Variants in RFTN1 observed in about 807,000 individuals in gnomAD.
RFTN1 encodes raftlin, lipid raft linker 1.
A neutral mutation model predicts 46.5 loss-of-function variants in RFTN1; 26 were observed. The observed-to-expected ratio is 0.56, with a 90% CI of 0.41 to 0.78. The LOEUF (loss-of-function observed/expected upper bound fraction) is 0.78, where lower values mean the gene tolerates loss of function less well. RFTN1 is among the 30% of genes least tolerant of loss of function. RFTN1 has a pLI of 0.00. For missense variants in RFTN1, 693 were observed against 718.7 expected, an observed-to-expected ratio of 0.96 and a Z score of 0.41; for synonymous variants, 261 against 284.2, an observed-to-expected ratio of 0.92 and a Z score of 0.82.
chr3:16,381,987 C>G lies in RFTN1; in HGVS notation c.442-3885G>C, dbSNP rs1250538456. Among the ~76,000 whole-genome samples, 2 of 152,292 alleles carry G rather than the reference C, an allele frequency of 1.3e-5. No homozygotes were observed. Among genetic ancestry groups the G allele is most frequent in the Non-Finnish European group, 2.9e-5 (2 of 68,026 alleles). On this transcript the variant is annotated intron_variant, in intron 4 of 9. Coordinates refer to ENST00000334133, the MANE Select transcript of RFTN1 (RefSeq NM_015150.2). This position sits in a 1 kb window ranked among gnomAD's most constrained non-coding sequence, Gnocchi z 4.2. Reference sequence around the variant, plus strand: ...TCGAATGCTCATCTTTTACCTTCAACTTCAGCACAAATTTTGTATCTTATA... The same window carrying G: ...TCGAATGCTCATCTTTTACCTTCAAGTTCAGCACAAATTTTGTATCTTATA...
Position 16,370,204 on chromosome 3 carries a change from G to C in RFTN1, c.902C>G (p.Pro301Arg). 1 of 1,614,252 alleles carries C rather than the reference G, an allele frequency of 6.2e-7. No individual in the cohort carries two copies. The highest frequency in any genetic ancestry group is 2.2e-5 in the East Asian group (1 of 44,890). Residue 301 changes from proline to arginine, a missense_variant, in exon 6 of 10, where the codon CCT becomes CGT. Physicochemically the swap from Pro to Arg is moderately radical, Grantham distance 103. Coordinates refer to ENST00000334133, the MANE Select transcript of RFTN1 (RefSeq NM_015150.2). The surrounding 1 kb of genome is among the most constrained non-coding windows in gnomAD (Gnocchi z 5.5). The stretch of plus-strand genomic sequence containing the variant: ...CTGGCCATTCTTGGAGACATGGAGA[G>C]GAATGGTGACAGGGTAGTATTGCCG... Reference protein sequence around the residue: ...KCRQYYPVTIPLHVSKNGQTV... With the variant: ...KCRQYYPVTIRLHVSKNGQTV...
At position 16,465,650 on chromosome 3, in the gene RFTN1, G is replaced by A. The variant is rs114042888; in HGVS notation, c.145+28075C>T. ...TTTAGCCCCCATGTCAATTACGGAT[G>A]CTAAAAATTTCAGAATTATAAGATC... On this transcript the variant is annotated intron_variant, in intron 2 of 9. Coordinates refer to ENST00000334133, the MANE Select transcript of RFTN1 (RefSeq NM_015150.2). The surrounding 1 kb of genome is among the most constrained non-coding windows in gnomAD (Gnocchi z 5.1). Among the ~76,000 whole-genome samples the A allele has an allele frequency of 3.1e-3, 471 of 152,256 alleles. 3 individuals are homozygous for A. The highest frequency in any genetic ancestry group is 0.011 in the African/African-American group (443 of 41,530).
intron 2 of RFTN1, among the ~76,000 whole-genome samples, chr3:16,463,790 T>C (rs1486114775): frequency 2.0e-5 from 3 of 152,250 alleles, no homozygotes; most frequent in Non-Finnish European, 4.4e-5. Flanking sequence ...AGATTTCTGA[T>C]GAAGTTATCT....
At chr3:16,502,085 C>A (rs963388511) in intron 1 of RFTN1, among the ~76,000 whole-genome samples, 1 of 152,120 alleles carries the variant, frequency 6.6e-6, no homozygotes, top group African/African-American at 2.4e-5. Context: ...CTTTGTTGAG[C>A]ATGCATTATT....
At chr3:16,505,564 G>C (rs111534112) in intron 1 of RFTN1, among the ~76,000 whole-genome samples, 1 of 152,232 alleles carries the variant, frequency 6.6e-6, no homozygotes, top group African/African-American at 2.4e-5. Flanking sequence ...TGGAAACCCA[G>C]AGAATAGTTG....
intron 4 of RFTN1, among the ~76,000 whole-genome samples, chr3:16,399,808 G>A (rs2074558363): frequency 1.3e-5 from 2 of 152,068 alleles, no homozygotes; most frequent in Non-Finnish European, 2.9e-5. Flanking sequence ...CCAACTGCAG[G>A]AGCCAAACCA....
chr3:16,394,574 G>A lies in RFTN1; in HGVS notation c.441+14801C>T, dbSNP rs1020852154. On this transcript the variant is annotated intron_variant, in intron 4 of 9. Transcript: ENST00000334133. ...GGAAGGGGAGTGGGGAATTGTGGGC[G>A]TGGCTACAGGAAGGGTTCAGGCTGT... is the stretch of plus-strand genomic sequence containing the variant. Among the ~76,000 whole-genome samples the A allele has an allele frequency of 5.9e-5, 9 of 152,162 alleles. No homozygotes were observed. The South Asian group carries it at 1.2e-3, about 21-fold the overall frequency.
At position 16,484,341 on chromosome 3, in the gene RFTN1, C is replaced by T. The variant is rs149812092; in HGVS notation, c.145+9384G>A. Reference sequence around the variant, plus strand: ...AACTGGACCTGTAGAAAACTTATTGCGCAATGTGCATGTCTTGAATAAGGA... The same window carrying T: ...AACTGGACCTGTAGAAAACTTATTGTGCAATGTGCATGTCTTGAATAAGGA... On this transcript the variant is annotated intron_variant, in intron 2 of 9. Coordinates refer to ENST00000334133, the MANE Select transcript of RFTN1 (RefSeq NM_015150.2). This position sits in a 1 kb window ranked among gnomAD's most constrained non-coding sequence, Gnocchi z 4.6. 1.8e-4 allele frequency among the ~76,000 whole-genome samples: 28 copies of T among 152,224 alleles called. No individual in the cohort carries two copies. The highest frequency in any genetic ancestry group is 5.8e-4 in the African/African-American group (24 of 41,518).
rs368222255 is a variant in RFTN1 at position 16,357,359 on chromosome 3, A to T, written c.1146+573T>A. Among the ~76,000 whole-genome samples, 7 of 152,206 alleles carry T rather than the reference A, an allele frequency of 4.6e-5. No individual in the cohort carries two copies. In the East Asian group the frequency reaches 5.8e-4, roughly 13 times the overall value. On this transcript the variant is annotated intron_variant, in intron 7 of 9. Transcript: ENST00000334133. ...TGGTTTGAGGAATTCCCCTTCCCACAGCAATTTGGTGGCCTCATGAGTCAA... is the reference window on the plus strand; with the variant it reads ...TGGTTTGAGGAATTCCCCTTCCCACTGCAATTTGGTGGCCTCATGAGTCAA...
In RFTN1 at chr3:16,376,162, G is replaced by A. The variant is rs2073760768; in HGVS notation, c.826+1556C>T. On this transcript the variant is annotated intron_variant, in intron 5 of 9. Coordinates refer to ENST00000334133, the MANE Select transcript of RFTN1 (RefSeq NM_015150.2). The surrounding 1 kb of genome is among the most constrained non-coding windows in gnomAD (Gnocchi z 4.7). ...ATTCCATGAGAGGTGGAGGTCGAGT[G>A]TCAGGACTACTGAGCCTGTACCCCA... Among the ~76,000 whole-genome samples, 1 of 152,154 alleles carries A rather than the reference G, an allele frequency of 6.6e-6. No homozygotes were observed. Among genetic ancestry groups the A allele is most frequent in the Non-Finnish European group, 1.5e-5 (1 of 68,018 alleles).
At position 16,316,998 on chromosome 3, in the gene RFTN1, CA is replaced by C; in HGVS notation, c.1566del (p.Gly523ValfsTer67). 2 of 1,614,040 alleles carry C rather than the reference CA, an allele frequency of 1.2e-6. No homozygotes were observed. The highest frequency in any genetic ancestry group is 1.7e-6 in the Non-Finnish European group (2 of 1,180,006). On this transcript the variant is annotated frameshift_variant, in exon 10 of 10. Transcript: ENST00000334133. LOFTEE classifies it low-confidence loss of function (END_TRUNC). This position sits in a 1 kb window ranked among gnomAD's most constrained non-coding sequence, Gnocchi z 4.5. ...ACACCCACCCCACACAGCAGGCCAC[CA>C]GGGGACAGCTGTTCTCCCTTGTCCT... ...VQEDKGEQLS[P>X]GGLLCGVGVE...
intron 7 of RFTN1, among the ~76,000 whole-genome samples, chr3:16,340,971 A>G (rs749201579): frequency 2.7e-4 from 41 of 152,252 alleles, no homozygotes; most frequent in Non-Finnish European, 6.0e-4. Flanking sequence ...AAGACAACAA[A>G]CAACCCAATT....
rs755645220 is a variant in RFTN1 at position 16,434,352 on chromosome 3, G to A, written c.146-315C>T. On this transcript the variant is annotated intron_variant, in intron 2 of 9. Transcript: ENST00000334133. ...CAGCCTGGGCAACATAGTAAAACTC[G>A]GTCTCTCTTAAACAAACAAACAAAC... is the stretch of plus-strand genomic sequence containing the variant. 3.9e-4 allele frequency among the ~76,000 whole-genome samples: 57 copies of A among 145,074 alleles called. 1 individual carries two copies. The highest frequency in any genetic ancestry group is 1.2e-3 in the South Asian group (5 of 4,336).
intron 3 of RFTN1, among the ~76,000 whole-genome samples, chr3:16,419,583 G>C (rs962673766): frequency 3.9e-5 from 6 of 152,116 alleles, no homozygotes; most frequent in Admixed American, 1.3e-4. Context: ...ATAGGGAAAA[G>C]GTTTCCCATA....
rs140195575 is a variant in RFTN1 at position 16,321,511 on chromosome 3, C to T, written c.1332+1865G>A. On this transcript the variant is annotated intron_variant, in intron 9 of 9. Transcript: ENST00000334133. The surrounding 1 kb of genome is among the most constrained non-coding windows in gnomAD (Gnocchi z 4.8). ...GGGACACAGGCCTGTGGGAGTAGGA[C>T]GCTGACCCTTGTCAGCTGAGGAGTG... Among the ~76,000 whole-genome samples, 3,571 of 152,200 alleles carry T rather than the reference C, an allele frequency of 0.023. 62 individuals are homozygous for T. Among genetic ancestry groups the T allele is most frequent in the Middle Eastern group, 0.068 (20 of 294 alleles).
chr3:16,473,446 G>T lies in RFTN1; in HGVS notation c.145+20279C>A, dbSNP rs2076231665. On this transcript the variant is annotated intron_variant, in intron 2 of 9. Coordinates refer to ENST00000334133, the MANE Select transcript of RFTN1 (RefSeq NM_015150.2). The surrounding 1 kb of genome is among the most constrained non-coding windows in gnomAD (Gnocchi z 5.3). ...GATAGAGTCTGGCTCTGTCGCCAAG[G>T]CTGGAGTGCAGTGGTGTGATCTCGG... Among the ~76,000 whole-genome samples the T allele has an allele frequency of 6.6e-6, 1 of 151,734 alleles. No homozygotes were observed. The highest frequency in any genetic ancestry group is 2.4e-5 in the African/African-American group (1 of 41,274).
chr3:16,395,251 ATT>A (rs2074440487), intron 4 of RFTN1, among the ~76,000 whole-genome samples: 1 of 152,230 alleles, frequency 6.6e-6, no homozygotes, highest in Non-Finnish European at 1.5e-5. Flanking sequence ...TATGCCTTAT[ATT>A]GCTCTGTGCT....
intron 9 of RFTN1, among the ~76,000 whole-genome samples, chr3:16,318,126 A>G (rs1328627084): frequency 6.6e-6 from 1 of 151,990 alleles, no homozygotes; most frequent in East Asian, 1.9e-4. Flanking sequence ...TTGGGCAACA[A>G]CCAGGGTCTC....
rs374923768 is a variant in RFTN1 at position 16,344,851 on chromosome 3, G to A, written c.1146+13081C>T. Among the ~76,000 whole-genome samples, 66 of 152,320 alleles carry A rather than the reference G, an allele frequency of 4.3e-4. No homozygotes were observed. Among genetic ancestry groups the A allele is most frequent in the African/African-American group, 1.4e-3 (59 of 41,570 alleles). On this transcript the variant is annotated intron_variant, in intron 7 of 9. Transcript: ENST00000334133. The surrounding 1 kb of genome is among the most constrained non-coding windows in gnomAD (Gnocchi z 4.4). ...AACATATTTCAAGGAGTGGTAGTGA[G>A]TGAACACATAACTACAAGAACACCC...
Sources: gnomAD v4.1 joint callset for allele counts (sites outside exome capture counted in the v4.1 genomes callset) on GRCh38, gnomAD v4.1.1 for gene constraint, Gnocchi (gnomAD v3.1) non-coding constraint, MANE v1.5 for transcripts, NCBI Gene and HGNC (gene_info 2026-07-23, HGNC 2026-07-21) for gene names.